The following KIF13B variants were observed in gnomAD, a reference collection of about 807,000 sequenced individuals.
The protein encoded by KIF13B is kinesin-like protein KIF13B.
In KIF13B, 127 loss-of-function variants were observed where a neutral mutation model predicts 222.0. The ratio of observed to expected loss-of-function variants is 0.57; its 90% CI spans 0.50 to 0.66. KIF13B has a LOEUF of 0.66. Ranked by LOEUF, KIF13B falls within the 30% of genes least tolerant of loss-of-function variation. KIF13B has a pLI of 0.00. For missense variants in KIF13B, 2,173 were observed against 2,379.0 expected (o/e 0.91, Z 1.80); for synonymous variants, 976 against 919.0 (o/e 1.06, Z -1.12).
chr8:29,112,537 G>A (rs1437675279), intron 32 of KIF13B, among the ~76,000 whole-genome samples: 1 of 151,690 alleles, frequency 6.6e-6, no homozygotes, highest in Non-Finnish European at 1.5e-5. Flanking sequence ...GCCCTGAAAT[G>A]ACGGGAACTG....
chr8:29,204,509 C>T (rs1456969433), intron 2 of KIF13B, among the ~76,000 whole-genome samples: 1 of 152,060 alleles, frequency 6.6e-6, no homozygotes, highest in Non-Finnish European at 1.5e-5. Flanking sequence ...TCCAGCAGTT[C>T]AGGACCAACA....
rs1812930763 is a variant in KIF13B at position 29,186,414 on chromosome 8, T to C, written c.375A>G (p.Arg125=). 5.0e-6 allele frequency: 8 copies of C among 1,613,958 alleles called. No individual in the cohort carries two copies. Among genetic ancestry groups the C allele is most frequent in the Non-Finnish European group, 6.8e-6 (8 of 1,179,872 alleles). ...GTADQPGLIP[R]LCSGLFERTQ... ...TTCGTTCAAAGAGTCCACTGCAAAGTCTTGGGATTAATCCAGGTTGGTCAG... is the reference window on the plus strand; with the variant it reads ...TTCGTTCAAAGAGTCCACTGCAAAGCCTTGGGATTAATCCAGGTTGGTCAG... Residue 125 remains arginine (R), a synonymous_variant, in exon 6 of 40, where the codon AGA becomes AGG. Coordinates refer to ENST00000524189, the MANE Select transcript of KIF13B (RefSeq NM_015254.4).
intron 2 of KIF13B, among the ~76,000 whole-genome samples, chr8:29,221,366 A>G (rs1208568633): frequency 6.7e-6 from 1 of 149,516 alleles, no homozygotes; most frequent in Admixed American, 6.7e-5. Flanking sequence ...GCCTCCCAAA[A>G]TGCTGGGATT....
At chr8:29,123,278 A>G (rs1022985171) in intron 28 of KIF13B, 88 bp downstream of exon 28, 3 of 1,481,066 alleles carry the variant, frequency 2.0e-6, no homozygotes, top group African/African-American at 2.8e-5. Flanking sequence ...TGACTCTTCC[A>G]TTAACCGTAG....
chr8:29,172,617 C>G (rs893630660), intron 10 of KIF13B, among the ~76,000 whole-genome samples: 1 of 152,134 alleles, frequency 6.6e-6, no homozygotes, highest in Non-Finnish European at 1.5e-5. Context: ...TGAAAATTAA[C>G]CTTTGATAAG....
At position 29,191,005 on chromosome 8, in the gene KIF13B, T is replaced by C. The variant is rs953039420; in HGVS notation, c.215A>G (p.Lys72Arg). ...FWSMDESVKE[K>R]YAGQDIVFKC... ...ATGCTGGATTCTATTACCTGCATAC[T>C]TTTCTTTGACAGATTCATCCATAGA... The change falls in exon 4 of 40, where the codon AAG becomes AGG. Residue 72 changes from lysine to arginine, a missense_variant. By Grantham distance (26) the Lys-to-Arg change is conservative (BLOSUM62 2). Coordinates refer to ENST00000524189, the MANE Select transcript of KIF13B (RefSeq NM_015254.4). The C allele has an allele frequency of 2.5e-6, 4 of 1,612,206 alleles. No individual in the cohort carries two copies. The highest frequency in any genetic ancestry group is 2.7e-5 in the African/African-American group (2 of 74,878).
intron 1 of KIF13B, among the ~76,000 whole-genome samples, chr8:29,249,606 T>C (rs1318076543): frequency 1.3e-5 from 2 of 152,140 alleles, no homozygotes; most frequent in Non-Finnish European, 2.9e-5. Flanking sequence ...ACTCACATAA[T>C]TAAGCCAAAT....
chr8:29,218,349 C>T (rs1586941080), intron 2 of KIF13B, among the ~76,000 whole-genome samples: 1 of 152,330 alleles, frequency 6.6e-6, no homozygotes, highest in East Asian at 1.9e-4. Flanking sequence ...TCATAAGCCG[C>T]ACCTCAAATG....
chr8:29,115,155 CT>C (rs1215941126), intron 31 of KIF13B, among the ~76,000 whole-genome samples: 37 of 152,062 alleles, frequency 2.4e-4, no homozygotes, highest in Admixed American at 2.0e-3. Context: ...GAGATTACAT[CT>C]AGGAGTCTGT....
intron 1 of KIF13B, among the ~76,000 whole-genome samples, chr8:29,248,454 C>T (rs1816132435): frequency 6.6e-6 from 1 of 152,224 alleles, no homozygotes; most frequent in Admixed American, 6.5e-5. Context: ...CTCACAGTTT[C>T]ACGTGACTAG....
chr8:29,206,503 T>A (rs759617499), intron 2 of KIF13B, among the ~76,000 whole-genome samples: 3 of 152,204 alleles, frequency 2.0e-5, no homozygotes, highest in Non-Finnish European at 2.9e-5. Flanking sequence ...TCCAAAAGTT[T>A]CACGACTACC....
At chr8:29,212,187 A>C (rs903454360) in intron 2 of KIF13B, among the ~76,000 whole-genome samples, 6 of 152,230 alleles carry the variant, frequency 3.9e-5, no homozygotes, top group Non-Finnish European at 7.3e-5. Flanking sequence ...ATTTATCCTG[A>C]ATAGATACCT....
chr8:29,261,644 C>T (rs1330719015), intron 1 of KIF13B, among the ~76,000 whole-genome samples: 2 of 152,040 alleles, frequency 1.3e-5, no homozygotes, highest in African/African-American at 4.8e-5. Flanking sequence ...ATTGTATCGA[C>T]GTTTATTGTG....
Position 29,177,491 on chromosome 8 carries a change from G to T in KIF13B, c.808C>A (p.Leu270Met). 6.2e-7 allele frequency: 1 copy of T among 1,612,838 alleles called. No homozygotes were observed. Residue 270 changes from leucine (L) to methionine (M), a missense_variant, in exon 9 of 40, where the codon CTG becomes ATG. Coordinates refer to ENST00000524189, the MANE Select transcript of KIF13B (RefSeq NM_015254.4). ...TTGTTAATGTTGCTCCCTTCCTTCA[G>T]CCTGTCCCCTGCAGCGCCTGTCTTC... ...ATKTGAAGDRLKEGSNINKSL... is the reference protein window; with the variant it reads ...ATKTGAAGDRMKEGSNINKSL...
intron 2 of KIF13B, among the ~76,000 whole-genome samples, chr8:29,244,163 G>A (rs1815915405): frequency 1.3e-5 from 2 of 152,018 alleles, no homozygotes; most frequent in African/African-American, 2.4e-5. Flanking sequence ...ACAGGCGCCC[G>A]CCATCACGCC....
intron 13 of KIF13B, among the ~76,000 whole-genome samples, chr8:29,157,674 C>T (rs1420419796): frequency 6.6e-6 from 1 of 151,748 alleles, no homozygotes; most frequent in Admixed American, 6.6e-5. Flanking sequence ...CACTGCACTC[C>T]AGCCTGGGCG....
chr8:29,108,180 G>A lies in KIF13B; in HGVS notation c.4174C>T (p.Arg1392Ter), dbSNP rs768083592. The A allele has an allele frequency of 3.1e-6, 5 of 1,612,146 alleles. No individual in the cohort carries two copies. Among genetic ancestry groups the A allele is most frequent in the Non-Finnish European group, 4.2e-6 (5 of 1,179,188 alleles). ...CTGTATGATGGAATGAGATCTTGTCGGCTTCCAGACAACTGAAGAAGAAAG... is the reference window on the plus strand; with the variant it reads ...CTGTATGATGGAATGAGATCTTGTCAGCTTCCAGACAACTGAAGAAGAAAG... The part of the protein sequence containing the change: ...SPNVNRLSGS[R>*]QDLIPSYSLG... The change falls in exon 35 of 40, where the codon CGA becomes TGA. Residue 1392 changes from arginine (R) to a stop codon, truncating the protein, a stop_gained. Coordinates refer to ENST00000524189, the MANE Select transcript of KIF13B (RefSeq NM_015254.4). LOFTEE classifies it high-confidence loss of function.
In KIF13B at chr8:29,168,986, T is replaced by C. The variant is rs372252460; in HGVS notation, c.946-1401A>G. 3.9e-5 allele frequency among the ~76,000 whole-genome samples: 6 copies of C among 152,220 alleles called. No individual in the cohort carries two copies. In the East Asian group the frequency reaches 1.2e-3, roughly 29 times the overall value. ...GAATATACTCTTTTTAGGAACAGAA[T>C]GTCACTGAATGACAGACTCTCAAGA... On this transcript the variant is annotated intron_variant, in intron 10 of 39. Coordinates refer to ENST00000524189, the MANE Select transcript of KIF13B (RefSeq NM_015254.4).
At chr8:29,194,634 C>T (rs1678671962) in intron 3 of KIF13B, among the ~76,000 whole-genome samples, 1 of 152,182 alleles carries the variant, frequency 6.6e-6, no homozygotes, top group African/African-American at 2.4e-5. Context: ...AAATGGTCCT[C>T]TTTAAGGCTT....
Sources: gnomAD v4.1 joint callset for allele counts (sites outside exome capture counted in the v4.1 genomes callset) on GRCh38, gnomAD v4.1.1 for gene constraint, MANE v1.5 for transcripts, NCBI Gene and HGNC (gene_info 2026-07-23, HGNC 2026-07-21) for gene names.